ZNF573: variants seen among roughly 807,000 people sequenced by gnomAD.
ZNF573 encodes the protein zinc finger protein 573.
ZNF573 carries 41 observed loss-of-function variants against 57.4 expected under a neutral mutation model. The ratio of observed to expected loss-of-function variants is 0.71; its 90% CI spans 0.56 to 0.93. The LOEUF is 0.93. Ranked by LOEUF, ZNF573 falls within the 40% of genes least tolerant of loss-of-function variation. The probability of loss-of-function intolerance (pLI) is 0.00; values close to 1 mark genes in which losing one functional copy is unlikely to be tolerated. For missense variants in ZNF573, 730 were observed against 794.8 expected (o/e 0.92, Z 0.98); for synonymous variants, 249 against 261.0 (o/e 0.95, Z 0.44).
rs768468599 is a variant in ZNF573, at chr19:37,739,884, A to G, written c.606T>C (p.Gly202=). The change falls in exon 5 of 5, where the codon GGT becomes GGC. Residue 202 remains glycine (G), a synonymous_variant. Coordinates refer to ENST00000536220, the MANE Select transcript of ZNF573 (RefSeq NM_001172690.2). ...ATCTCTGATGCACAGTCAGCTGATA[A>G]CCACTTCTAAAGTTCTTCCCACATT... ...CTECGKNFRS[G]YQLTVHQRFH... 6.2e-7 allele frequency: 1 copy of G among 1,613,922 alleles called. No homozygotes were observed. Among genetic ancestry groups the G allele is most frequent in the African/African-American group, 1.3e-5 (1 of 74,896 alleles).
rs58757674 is a variant in ZNF573, at chr19:37,770,832, TTATATATATATATATATATATATATA to T, written c.202+706_202+731del. ...ACAGTTCTTTCAGGATTAAGTTATTTTATATATATATATATATATATATATATATATATATATATATTCCCCCTCCC... is the reference window on the plus strand; with the variant it reads ...ACAGTTCTTTCAGGATTAAGTTATTTTATATATATATATATTCCCCCTCCC... On this transcript the variant is annotated intron_variant, in intron 3 of 4. Transcript: ENST00000536220. Among the ~76,000 whole-genome samples the T allele has an allele frequency of 3.6e-3, 338 of 93,738 alleles. 8 individuals are homozygous for T. The highest frequency in any genetic ancestry group is 4.5e-3 in the Admixed American group (36 of 8,042). The allele number at this position is 93,738 out of a possible 152,430, so 61.5% of individuals were successfully genotyped here.
chr19:37,773,725 A>T lies in ZNF573; in HGVS notation c.5T>A (p.Phe2Tyr). M[F>Y]PVLEPHQVGL... ...TACTTGGTGGGGTTCCAATACTGGA[A>T]ACATTCAAACTCCAGAGAATCCAGA... The change falls in exon 2 of 5, where the codon TTT becomes TAT. Residue 2 changes from phenylalanine (F) to tyrosine (Y), a missense_variant. By Grantham distance (22) the Phe-to-Tyr change is conservative (BLOSUM62 3). Transcript: ENST00000536220. 6.5e-7 allele frequency: 1 copy of T among 1,535,398 alleles called. No homozygotes were observed. The highest frequency in any genetic ancestry group is 1.2e-5 in the South Asian group (1 of 84,040).
At position 37,738,444 on chromosome 19, in the gene ZNF573, A is replaced by G; in HGVS notation, c.*48T>C. On this transcript the variant is annotated 3_prime_UTR_variant, in exon 5 of 5. Coordinates refer to ENST00000536220, the MANE Select transcript of ZNF573 (RefSeq NM_001172690.2). ...GACTAACATTCCATCATTTCTCACC[A>G]GTGTGGGCTGTCTGATGATGAATGG... 1.3e-6 allele frequency: 2 copies of G among 1,489,216 alleles called. No individual in the cohort carries two copies. Among genetic ancestry groups the G allele is most frequent in the Non-Finnish European group, 1.8e-6 (2 of 1,119,788 alleles). 92.3% of individuals were successfully genotyped at this position (1,489,216 alleles called of 1,614,324 possible).
intron 2 of ZNF573, among the ~76,000 whole-genome samples, chr19:37,772,158 C>T (rs1286759561): frequency 6.6e-6 from 1 of 151,904 alleles, no homozygotes; most frequent in East Asian, 1.9e-4. Flanking sequence ...TTTTTGGGGA[C>T]GGGGTCTCAC....
intron 4 of ZNF573, among the ~76,000 whole-genome samples, chr19:37,764,079 A>C (rs937130461): frequency 6.6e-6 from 1 of 151,676 alleles, no homozygotes; most frequent in African/African-American, 2.4e-5. Flanking sequence ...AAAAAAAAAA[A>C]AAATAGAATA....
At chr19:37,742,331 A>G (rs1682452449) in intron 4 of ZNF573, among the ~76,000 whole-genome samples, 1 of 152,204 alleles carries the variant, frequency 6.6e-6, no homozygotes, top group Admixed American at 6.5e-5. Context: ...AACTGTTTTA[A>G]ATTTTATATG....
intron 4 of ZNF573, among the ~76,000 whole-genome samples, chr19:37,750,315 C>T (rs1019951509): frequency 5.3e-5 from 8 of 152,050 alleles, no homozygotes; most frequent in Admixed American, 2.6e-4. Flanking sequence ...AACTCCTGAC[C>T]GCAAGTGATC....
At chr19:37,749,182 G>A (rs1030543130) in intron 4 of ZNF573, among the ~76,000 whole-genome samples, 1 of 151,770 alleles carries the variant, frequency 6.6e-6, no homozygotes, top group African/African-American at 2.4e-5. Flanking sequence ...AGTGAGCCAA[G>A]AAGAAAGGTG....
intron 4 of ZNF573, among the ~76,000 whole-genome samples, chr19:37,758,847 A>C (rs1245937446): frequency 6.6e-6 from 1 of 152,170 alleles, no homozygotes; most frequent in East Asian, 1.9e-4. Flanking sequence ...AGAAAAATAA[A>C]TATTTTGAAA....
At chr19:37,766,855 G>T (rs1197176669) in intron 4 of ZNF573, among the ~76,000 whole-genome samples, 4 of 152,184 alleles carry the variant, frequency 2.6e-5, no homozygotes, top group African/African-American at 9.7e-5. Flanking sequence ...AATCGATTAA[G>T]TGTAACAGTG....
intron 3 of ZNF573, among the ~76,000 whole-genome samples, chr19:37,771,087 A>G (rs1335485140): frequency 6.6e-6 from 1 of 151,232 alleles, no homozygotes; most frequent in African/African-American, 2.4e-5. Flanking sequence ...TCAGTTTCCA[A>G]TAAATATTGT....
At chr19:37,767,199 T>A (rs1194866029) in intron 4 of ZNF573, among the ~76,000 whole-genome samples, 1 of 151,848 alleles carries the variant, frequency 6.6e-6, no homozygotes, top group Non-Finnish European at 1.5e-5. Flanking sequence ...TAGTTCCCCC[T>A]TCGCCAACAT....
chr19:37,753,089 T>C (rs753729553), intron 4 of ZNF573, among the ~76,000 whole-genome samples: 1 of 152,118 alleles, frequency 6.6e-6, no homozygotes, highest in Non-Finnish European at 1.5e-5. Context: ...ACCCCGTCTC[T>C]ACAAAAAAAT....
At chr19:37,755,191 A>T (rs1276685201) in intron 4 of ZNF573, 4 of 152,144 alleles carry the variant, frequency 2.6e-5, no homozygotes, top group Non-Finnish European at 5.9e-5. Context: ...GATGGTCTCG[A>T]TCTCCTTACC....
chr19:37,740,074 C>T lies in ZNF573; in HGVS notation c.416G>A (p.Cys139Tyr). The change falls in exon 5 of 5, where the codon TGT (cysteine) becomes TAT (tyrosine). Residue 139 changes from cysteine (C) to tyrosine (Y), a missense_variant. By Grantham distance (194) the Cys-to-Tyr change is radical (BLOSUM62 -2). Coordinates refer to ENST00000536220, the MANE Select transcript of ZNF573 (RefSeq NM_001172690.2). ...ATAACCACTACTAAATTTCTTCTGA[C>T]ATTTCTTACATTCATAGAGTTTCTC... The part of the protein sequence containing the change: ...KREKLYECKK[C>Y]QKKFSSGYQL... 1 of 1,614,070 alleles carries T rather than the reference C, an allele frequency of 6.2e-7. No homozygotes were observed. The highest frequency in any genetic ancestry group is 1.1e-5 in the South Asian group (1 of 91,078).
At chr19:37,776,600 A>G (rs2045711153) in intron 1 of ZNF573, among the ~76,000 whole-genome samples, 1 of 152,214 alleles carries the variant, frequency 6.6e-6, no homozygotes, top group Non-Finnish European at 1.5e-5. Context: ...CAAGAACCCA[A>G]AAGCAAATGC....
At chr19:37,765,116 G>A (rs906868688) in intron 4 of ZNF573, among the ~76,000 whole-genome samples, 1 of 151,860 alleles carries the variant, frequency 6.6e-6, no homozygotes, top group African/African-American at 2.4e-5. Context: ...ATGTTGGCCA[G>A]GCTGGTCTTG....
chr19:37,771,746 GAT>G (rs1568424593), intron 2 of ZNF573, 50 bp from the exon 3 acceptor site: 1 of 1,555,718 alleles, frequency 6.4e-7, no homozygotes, highest in Non-Finnish European at 8.6e-7. Flanking sequence ...AAGAAGGAAA[GAT>G]AGGAGATTAC....
chr19:37,740,088 A>T lies in ZNF573; in HGVS notation c.402T>A (p.Tyr134Ter). ...ATTTCTTCTGACATTTCTTACATTC[A>T]TAGAGTTTCTCTCTCTTATATATGC... ...LQSIYKREKL[Y>*]ECKKCQKKFS... The change falls in exon 5 of 5, where the codon TAT (tyrosine) becomes TAA (stop). Residue 134 changes from tyrosine to a stop codon, truncating the protein, a stop_gained. Transcript: ENST00000536220. LOFTEE classifies it high-confidence loss of function. 1 of 1,614,080 alleles carries T rather than the reference A, an allele frequency of 6.2e-7. No individual in the cohort carries two copies. Among genetic ancestry groups the T allele is most frequent in the African/African-American group, 1.3e-5 (1 of 75,052 alleles).
Sources: gnomAD v4.1 joint callset for allele counts (sites outside exome capture counted in the v4.1 genomes callset) on GRCh38, gnomAD v4.1.1 for gene constraint, MANE v1.5 for transcripts, NCBI Gene and HGNC (gene_info 2026-07-23, HGNC 2026-07-21) for gene names.